ATP10B: variants seen among roughly 807,000 people sequenced by gnomAD.
ATP10B encodes phospholipid-transporting ATPase VB.
A neutral mutation model predicts 141.2 loss-of-function variants in ATP10B; 122 were observed. The ratio of observed to expected loss-of-function variants is 0.86; its 90% CI spans 0.75 to 1.00. The LOEUF (loss-of-function observed/expected upper bound fraction) is 1.00. Among genes scored for constraint, ATP10B ranks in the 50% least tolerant of loss-of-function variants. The probability of loss-of-function intolerance (pLI) is 0.00; values close to 1 mark genes in which losing one functional copy is unlikely to be tolerated. For missense variants in ATP10B, 1,876 were observed against 1,825.3 expected (o/e 1.03, Z -0.51); for synonymous variants, 685 against 692.0 (o/e 0.99, Z 0.16).
chr5:160,748,348 C>A (rs2127818227), intron 2 of ATP10B, among the ~76,000 whole-genome samples: 1 of 152,140 alleles, frequency 6.6e-6, no homozygotes, highest in East Asian at 1.9e-4. Flanking sequence ...CAGCTTTTTT[C>A]TTTTCCCTTC....
intron 1 of ATP10B, among the ~76,000 whole-genome samples, chr5:160,793,261 G>T (rs10037124): frequency 0.46 from 68,865 of 151,138 alleles, 15,787 homozygotes; most frequent in East Asian, 0.61. Flanking sequence ...TGCTGAGCAT[G>T]CATTTCCTAG....
At chr5:160,635,075 C>T (rs186825086) in intron 11 of ATP10B, among the ~76,000 whole-genome samples, 1 of 152,296 alleles carries the variant, frequency 6.6e-6, no homozygotes, top group East Asian at 1.9e-4. Flanking sequence ...CTTTGAAGAA[C>T]TTGCCTTCCA....
At chr5:160,734,556 T>C (rs552819182) in intron 2 of ATP10B, among the ~76,000 whole-genome samples, 1 of 152,018 alleles carries the variant, frequency 6.6e-6, no homozygotes, top group South Asian at 2.1e-4. Context: ...TTTATAAGAT[T>C]CATAACCTAG....
intron 6 of ATP10B, among the ~76,000 whole-genome samples, chr5:160,672,494 T>C (rs1278060432): frequency 6.6e-6 from 1 of 152,214 alleles, no homozygotes; most frequent in African/African-American, 2.4e-5. Context: ...TGTGACACAG[T>C]TTCAAGATCT....
intron 8 of ATP10B, among the ~76,000 whole-genome samples, chr5:160,648,010 CCG>C (rs1303919349): frequency 2.6e-5 from 4 of 152,160 alleles, no homozygotes; most frequent in Admixed American, 6.5e-5. Context: ...TGGCTGAGCT[CCG>C]CAATGTACGG....
intron 18 of ATP10B, among the ~76,000 whole-genome samples, chr5:160,607,488 G>A (rs1757460249): frequency 6.6e-6 from 1 of 152,194 alleles, no homozygotes; most frequent in Non-Finnish European, 1.5e-5. Context: ...GTGGTAGATA[G>A]GGTGTGTATT....
At chr5:160,588,099 C>T (rs936567443) in intron 24 of ATP10B, among the ~76,000 whole-genome samples, 5 of 152,196 alleles carry the variant, frequency 3.3e-5, no homozygotes, top group African/African-American at 4.8e-5. Flanking sequence ...CTGCCCACCT[C>T]AGCCTCCCAA....
At chr5:160,863,142 A>T in the ATP10B span, among the ~76,000 whole-genome samples, 4 of 151,940 alleles carry the variant, frequency 2.6e-5, no homozygotes, top group Non-Finnish European at 5.9e-5. Context: ...AGCTACTTCC[A>T]TTATGGGATG....
At chr5:160,723,569 T>G (rs1766120960) in intron 2 of ATP10B, among the ~76,000 whole-genome samples, 1 of 152,204 alleles carries the variant, frequency 6.6e-6, no homozygotes, top group African/African-American at 2.4e-5. Flanking sequence ...CAAATGGCCA[T>G]GGCAACTTCA....
chr5:160,821,319 A>C (rs1253480237), intron 1 of ATP10B, among the ~76,000 whole-genome samples: 1 of 152,120 alleles, frequency 6.6e-6, no homozygotes, highest in Admixed American at 6.5e-5. Flanking sequence ...GAAGTGGAAG[A>C]TCTTTATAGT....
chr5:160,919,795 C>T, the ATP10B span, among the ~76,000 whole-genome samples: 20 of 152,282 alleles, frequency 1.3e-4, no homozygotes, highest in African/African-American at 4.3e-4. Flanking sequence ...CATCTCGGGT[C>T]GCTAACGACG....
chr5:160,879,442 C>T, the ATP10B span, among the ~76,000 whole-genome samples: 170 of 131,380 alleles, frequency 1.3e-3, no homozygotes, highest in Non-Finnish European at 2.3e-3. Flanking sequence ...TGCTAGATGA[C>T]GAGTTAGTGG....
intron 7 of ATP10B, among the ~76,000 whole-genome samples, chr5:160,664,149 C>A (rs759963131): frequency 1.3e-5 from 2 of 152,160 alleles, no homozygotes; most frequent in Non-Finnish European, 2.9e-5. Flanking sequence ...AAGTTTCATT[C>A]TTAAATGAAA....
intron 1 of ATP10B, among the ~76,000 whole-genome samples, 173 bp from the exon 2 acceptor site, chr5:160,785,976 T>G (rs1234892425): frequency 6.6e-6 from 1 of 152,188 alleles, no homozygotes; most frequent in Non-Finnish European, 1.5e-5. Flanking sequence ...AACATTTTAT[T>G]TCTGCCAGGG....
chr5:160,840,950 C>T (rs12332210), intron 1 of ATP10B, among the ~76,000 whole-genome samples: 1,914 of 152,172 alleles, frequency 0.013, 40 homozygotes, highest in African/African-American at 0.044. Context: ...TGATATATTT[C>T]GTTCATAGGG....
chr5:160,639,577 A>G (rs1759672131), intron 10 of ATP10B, among the ~76,000 whole-genome samples: 1 of 152,158 alleles, frequency 6.6e-6, no homozygotes, highest in Admixed American at 6.6e-5. Flanking sequence ...CTAGAAACGG[A>G]AAAAGACAAG....
intron 2 of ATP10B, among the ~76,000 whole-genome samples, chr5:160,764,151 CT>C (rs998031028): frequency 2.0e-5 from 3 of 152,062 alleles, no homozygotes; most frequent in African/African-American, 7.2e-5. Context: ...GGTACCAATC[CT>C]ACTGAAATTA....
chr5:160,579,098 C>A (rs1388568823), intron 24 of ATP10B, among the ~76,000 whole-genome samples: 2 of 152,148 alleles, frequency 1.3e-5, no homozygotes, highest in African/African-American at 4.8e-5. Context: ...GGATAGATTG[C>A]AAAAATTTTC....
At chr5:160,835,101 A>G (rs1775335098) in intron 1 of ATP10B, among the ~76,000 whole-genome samples, 1 of 152,068 alleles carries the variant, frequency 6.6e-6, no homozygotes, top group Admixed American at 6.6e-5. Flanking sequence ...GTTCAAAAGG[A>G]ATGTTGTGGA....
Sources: gnomAD v4.1 joint callset for allele counts (sites outside exome capture counted in the v4.1 genomes callset) on GRCh38, gnomAD v4.1.1 for gene constraint, MANE v1.5 for transcripts, NCBI Gene and HGNC (gene_info 2026-07-23, HGNC 2026-07-21) for gene names.